SPTLC1: variants seen among roughly 807,000 people sequenced by gnomAD.
SPTLC1 encodes the protein serine palmitoyltransferase long chain base subunit 1.
In SPTLC1, 55 loss-of-function variants were observed where a neutral mutation model predicts 68.9. That is an observed-to-expected ratio of 0.80 (90% CI 0.64 to 1.00). SPTLC1 has a LOEUF of 1.00. Ranked by LOEUF, SPTLC1 falls within the 50% of genes least tolerant of loss-of-function variation. SPTLC1 has a pLI of 0.00. For missense variants in SPTLC1, 449 were observed against 573.1 expected (o/e 0.78, Z 2.21); for synonymous variants, 197 against 201.6 (o/e 0.98, Z 0.19).
chr9:92,050,810 G>GTTTT (rs1564088122), intron 8 of SPTLC1: 3 of 72,268 alleles, frequency 4.2e-5, no homozygotes, highest in African/African-American at 3.9e-4. Flanking sequence ...GCACAATACT[G>GTTTT]ATTTTTTTTT....
chr9:92,115,203 G>C, intron 1 of SPTLC1, 111 bp downstream of exon 1: 2 of 1,064,082 alleles, frequency 1.9e-6, no homozygotes, highest in South Asian at 2.5e-5. Context: ...CACCGAGTCT[G>C]GGCGTGACCG....
chr9:92,046,164 CT>C, intron 11 of SPTLC1, 111 bp from the exon 12 acceptor site: 2 of 921,294 alleles, frequency 2.2e-6, no homozygotes, highest in Non-Finnish European at 3.4e-6. Context: ...GCTACAAATC[CT>C]TCTACATACT....
At chr9:92,110,543 C>T (rs1180649401) in intron 2 of SPTLC1, 1 of 152,162 alleles carries the variant, frequency 6.6e-6, no homozygotes, top group African/African-American at 2.4e-5. Flanking sequence ...ATGATTTCGA[C>T]TCATTAGATT....
At chr9:92,112,588 G>T (rs1836292031) in intron 1 of SPTLC1, 26 bp from the exon 2 acceptor site, 1 of 1,447,666 alleles carries the variant, frequency 6.9e-7, no homozygotes. Context: ...AAACAAGTAA[G>T]ATATGAAACA....
chr9:92,052,044 C>T (rs1164355070), intron 8 of SPTLC1, among the ~76,000 whole-genome samples: 1 of 152,132 alleles, frequency 6.6e-6, no homozygotes, highest in Non-Finnish European at 1.5e-5. Context: ...ATATTCAATG[C>T]AATCCCCACC....
chr9:92,049,174 G>A (rs1362255662), intron 9 of SPTLC1, among the ~76,000 whole-genome samples: 2 of 152,098 alleles, frequency 1.3e-5, no homozygotes, highest in Non-Finnish European at 2.9e-5. Context: ...TTTTCTCTGG[G>A]ACTATATGGT....
chr9:92,058,660 TA>T (rs1489988532), intron 7 of SPTLC1, among the ~76,000 whole-genome samples: 3 of 152,180 alleles, frequency 2.0e-5, no homozygotes, highest in Admixed American at 2.0e-4. Flanking sequence ...GAGACCATGT[TA>T]GGGGCAGTCA....
intron 8 of SPTLC1, among the ~76,000 whole-genome samples, chr9:92,053,223 G>C (rs1833771823): frequency 6.6e-6 from 1 of 151,968 alleles, no homozygotes. Flanking sequence ...ATGCTCACTA[G>C]GGTGGCTAAA....
intron 3 of SPTLC1, among the ~76,000 whole-genome samples, chr9:92,089,962 G>C (rs1412508119): frequency 6.6e-6 from 1 of 152,158 alleles, no homozygotes; most frequent in African/African-American, 2.4e-5. Flanking sequence ...GATCCACTTA[G>C]AACCTGTTAC....
chr9:92,066,731 A>C (rs1268404781), intron 6 of SPTLC1, among the ~76,000 whole-genome samples: 3 of 152,200 alleles, frequency 2.0e-5, no homozygotes, highest in Admixed American at 6.5e-5. Flanking sequence ...AAAAAGGAAA[A>C]GAGGAGGCCA....
intron 12 of SPTLC1, among the ~76,000 whole-genome samples, chr9:92,039,737 A>C (rs1280755336): frequency 1.3e-5 from 2 of 152,250 alleles, no homozygotes; most frequent in African/African-American, 2.4e-5. Flanking sequence ...GGACTCAACA[A>C]GCCTTTACAG....
At chr9:92,100,415 C>G (rs1230354660) in intron 3 of SPTLC1, among the ~76,000 whole-genome samples, 1 of 152,224 alleles carries the variant, frequency 6.6e-6, no homozygotes, top group Non-Finnish European at 1.5e-5. Context: ...CCTGTCATTA[C>G]AACAGCCTTC....
intron 3 of SPTLC1, chr9:92,107,775 G>C (rs1256149238): frequency 6.6e-6 from 1 of 152,108 alleles, no homozygotes; most frequent in African/African-American, 2.4e-5. Context: ...TGGTAGGTTT[G>C]ATTTCAGAAT....
At chr9:92,109,790 T>C (rs142915300) in intron 2 of SPTLC1, 3,082 of 152,400 alleles carry the variant, frequency 0.02, 71 homozygotes, top group South Asian at 0.08. Flanking sequence ...CTGACCAACA[T>C]GGAGAAACCC....
At chr9:92,033,148 A>G (rs1833029917) in intron 14 of SPTLC1, among the ~76,000 whole-genome samples, 1 of 152,224 alleles carries the variant, frequency 6.6e-6, no homozygotes, top group African/African-American at 2.4e-5. Flanking sequence ...GTGCACACCC[A>G]GTCAGAGTGA....
At position 92,080,923 on chromosome 9, in the gene SPTLC1, T is replaced by C. The variant is rs1327725488; in HGVS notation, c.301A>G (p.Ile101Val). 1.9e-6 allele frequency: 3 copies of C among 1,614,196 alleles called. No individual in the cohort carries two copies. Among genetic ancestry groups the C allele is most frequent in the South Asian group, 2.2e-5 (2 of 91,080 alleles). The change falls in exon 4 of 15, where the codon ATA becomes GTA. Residue 101 changes from isoleucine to valine, a missense_variant. Physicochemically the swap from Ile to Val is conservative, Grantham distance 29. Coordinates refer to ENST00000262554, the MANE Select transcript of SPTLC1 (RefSeq NM_006415.4). ...AGAAAATTAAATGAGGCGAAGTTTA[T>C]ACATTCTTTTCCATTCACCACAGTT... Reference protein sequence around the residue: ...HKTVVNGKECINFASFNFLGL... With the variant: ...HKTVVNGKECVNFASFNFLGL...
rs753689562 is a variant in SPTLC1, at chr9:92,068,071, AGGC to A, written c.452_454del (p.Arg151del). On this transcript the variant is annotated inframe_deletion, in exon 6 of 15. Coordinates refer to ENST00000262554, the MANE Select transcript of SPTLC1 (RefSeq NM_006415.4). ...TTCTTCTGTCTTCATAAATTTTGCC[AGGC>A]GGTCTTCCAAATCCAAATGAACATC... is the stretch of plus-strand genomic sequence containing the variant. The A allele has an allele frequency of 2.5e-6, 4 of 1,614,070 alleles. No individual in the cohort carries two copies. In the South Asian group the frequency reaches 4.4e-5, roughly 18 times the overall value.
chr9:92,065,282 A>T (rs997252570), intron 6 of SPTLC1, among the ~76,000 whole-genome samples: 1 of 152,230 alleles, frequency 6.6e-6, no homozygotes, highest in Non-Finnish European at 1.5e-5. Context: ...AAGCATTAAC[A>T]CTGTTTACTG....
In SPTLC1 at chr9:92,068,824, G is replaced by A. The variant is rs117252324; in HGVS notation, c.428-726C>T. ...CTGAACCATGAGGCTTCATGCCCTC[G>A]GACGGAGGACCAGTGATGCTTAGAA... is the stretch of plus-strand genomic sequence containing the variant. On this transcript the variant is annotated intron_variant, in intron 5 of 14. Transcript: ENST00000262554. Among the ~76,000 whole-genome samples, 1,287 of 152,220 alleles carry A rather than the reference G, an allele frequency of 8.5e-3. 12 individuals are homozygous for A. Among genetic ancestry groups the A allele is most frequent in the Middle Eastern group, 0.024 (7 of 294 alleles).
Sources: allele counts gnomAD v4.1 joint callset (sites outside exome capture counted in the v4.1 genomes callset), GRCh38; gene constraint gnomAD v4.1.1; transcripts MANE v1.5; gene names NCBI Gene and HGNC (gene_info 2026-07-23, HGNC 2026-07-21).